AWAT1: variants seen among roughly 807,000 people sequenced by gnomAD.
The protein encoded by AWAT1 is acyl-CoA wax alcohol acyltransferase 1, also known as diacyl-glycerol acyltransferase 2.
Under a neutral mutation model 21.6 loss-of-function variants are expected in AWAT1, and 26 were observed. The ratio of observed to expected loss-of-function variants is 1.20; its 90% CI spans 0.88 to 1.67. The LOEUF (loss-of-function observed/expected upper bound fraction) is 1.67, where lower values mean the gene tolerates loss of function less well. AWAT1 is among the 40% of genes most tolerant of loss of function. The pLI is 0.00. For missense variants in AWAT1, 264 were observed against 249.4 expected (o/e 1.06, Z -0.39); for synonymous variants, 102 against 99.3 (o/e 1.03, Z -0.16).
At chrX:70,238,436 C>A in intron 5 of AWAT1, 53 bp downstream of exon 5, 3 of 1,087,095 alleles carry the variant, frequency 2.8e-6, no homozygotes, top group Non-Finnish European at 3.7e-6. Flanking sequence ...GCAGCATGAC[C>A]CTGTCGGTGA....
In AWAT1 at chrX:70,239,758, C is replaced by T. The variant is rs1369251918; in HGVS notation, c.656C>T (p.Thr219Ile). 1 of 1,209,310 alleles carries T rather than the reference C, an allele frequency of 8.3e-7. No individual in the cohort carries two copies. Among genetic ancestry groups the T allele is most frequent in the African/African-American group, 1.7e-5 (1 of 57,147 alleles). The change falls in exon 6 of 7, where the codon ACT becomes ATT. Residue 219 changes from threonine (T) to isoleucine (I), a missense_variant. By Grantham distance (89) the Thr-to-Ile change is moderately conservative (BLOSUM62 -1). Coordinates refer to ENST00000374521, the MANE Select transcript of AWAT1 (RefSeq NM_001013579.3). ...AGGGCTCATCTGGTCCCCACCTTCA[C>T]TTTTGGGGAAACTGAGGTGTATGAT... ...QHGAHLVPTFTFGETEVYDQV... is the reference protein window; with the variant it reads ...QHGAHLVPTFIFGETEVYDQV...
intron 5 of AWAT1, among the ~76,000 whole-genome samples, chrX:70,239,333 G>C (rs2085528206): frequency 1.8e-5 from 2 of 112,748 alleles, no homozygotes; most frequent in South Asian, 3.7e-4. Flanking sequence ...CACGGAATTT[G>C]AGCCTGACTG....
At position 70,238,226 on chromosome X, in the gene AWAT1, A is replaced by T. The variant is rs1476851734; in HGVS notation, c.475A>T (p.Ser159Cys). 8.3e-7 allele frequency: 1 copy of T among 1,207,332 alleles called. No individual in the cohort carries two copies. The highest frequency in any genetic ancestry group is 3.0e-5 in the East Asian group (1 of 33,709). ...YLMAKGVCSV[S>C]QPAINYLLSH... is the part of the protein sequence containing the mutation. ...ATTCTCTTTAGGTGTGTGCTCTGTGAGCCAGCCAGCCATCAACTATCTGCT... is the reference window on the plus strand; with the variant it reads ...ATTCTCTTTAGGTGTGTGCTCTGTGTGCCAGCCAGCCATCAACTATCTGCT... The change falls in exon 5 of 7, where the codon AGC becomes TGC. Residue 159 changes from serine to cysteine, a missense_variant. Ser to Cys is a moderately radical substitution (Grantham distance 112, BLOSUM62 -1). Coordinates refer to ENST00000374521, the MANE Select transcript of AWAT1 (RefSeq NM_001013579.3).
At chrX:70,236,036 T>C in intron 2 of AWAT1, 33 bp from the exon 3 acceptor site, 1 of 1,150,911 alleles carries the variant, frequency 8.7e-7, no homozygotes, top group Non-Finnish European at 1.2e-6. Flanking sequence ...TGGCACACAC[T>C]GACATCATCC....
intron 1 of AWAT1, among the ~76,000 whole-genome samples, chrX:70,235,202 G>T (rs1231221891): frequency 1.8e-5 from 2 of 111,033 alleles, no homozygotes; most frequent in Non-Finnish European, 3.8e-5. Context: ...GAGTGGGGTG[G>T]TGGTAGCATG....
At chrX:70,236,997 A>G (rs1031849120) in intron 3 of AWAT1, 47 bp from the exon 4 acceptor site, 3 of 1,098,541 alleles carry the variant, frequency 2.7e-6, no homozygotes, top group Non-Finnish European at 3.7e-6. Flanking sequence ...TGTTTCTGCC[A>G]TGTAATCTCA....
At chrX:70,237,590 G>A (rs1345842411) in intron 4 of AWAT1, among the ~76,000 whole-genome samples, 2 of 109,624 alleles carry the variant, frequency 1.8e-5, no homozygotes, top group African/African-American at 6.6e-5. Context: ...CCAGCACTTT[G>A]GGAGGCTGAG....
In AWAT1 at chrX:70,240,225, A is replaced by C. The variant is rs769336646; in HGVS notation, c.922A>C (p.Lys308Gln). ...YHALYMDALH[K>Q]LFDQHKTHYG... is the part of the protein sequence containing the mutation. ...TGCACTTTATATGGATGCTCTGCAC[A>C]AACTGTTCGACCAGCATAAGACCCA... Residue 308 changes from lysine (K) to glutamine (Q), a missense_variant, in exon 7 of 7, where the codon AAA (lysine) becomes CAA (glutamine). Lys to Gln is a moderately conservative substitution (Grantham distance 53). Coordinates refer to ENST00000374521, the MANE Select transcript of AWAT1 (RefSeq NM_001013579.3). 1 of 1,211,601 alleles carries C rather than the reference A, an allele frequency of 8.3e-7. No individual in the cohort carries two copies. Among genetic ancestry groups the C allele is most frequent in the Non-Finnish European group, 1.1e-6 (1 of 895,271 alleles).
intron 4 of AWAT1, among the ~76,000 whole-genome samples, chrX:70,237,919 GAAA>G (rs375070493): frequency 1.2e-5 from 1 of 83,488 alleles, no homozygotes; most frequent in Non-Finnish European, 2.3e-5. Context: ...TGCTCTTAAT[GAAA>G]AAAAAAAAAA....
At chrX:70,234,852 G>A in intron 1 of AWAT1, 81 bp downstream of exon 1, 2 of 885,013 alleles carry the variant, frequency 2.3e-6, no homozygotes, top group South Asian at 4.2e-5. Flanking sequence ...TTAGGGCCAT[G>A]TGAAGTCTCA....
chrX:70,238,648 C>G (rs1382175046), intron 5 of AWAT1, among the ~76,000 whole-genome samples: 2 of 112,367 alleles, frequency 1.8e-5, no homozygotes, highest in Non-Finnish European at 3.8e-5. Flanking sequence ...ATGCTGGTAT[C>G]TACATCTGTC....
rs752581999 is a variant in AWAT1, at chrX:70,240,285, C to A, written c.982C>A (p.Leu328Met). Reference protein sequence around the residue: ...GCSETQKLFFL With the variant: ...GCSETQKLFFM Reference sequence around the variant, plus strand: ...CTCAGAGACCCAAAAGCTGTTTTTCCTGTGAATGAAGGTACTGCATGCCCA... The same window carrying A: ...CTCAGAGACCCAAAAGCTGTTTTTCATGTGAATGAAGGTACTGCATGCCCA... The change falls in exon 7 of 7, where the codon CTG becomes ATG. Residue 328 changes from leucine to methionine, a missense_variant. Leu to Met is a conservative substitution (Grantham distance 15, BLOSUM62 2). Transcript: ENST00000374521. The A allele has an allele frequency of 8.3e-7, 1 of 1,210,307 alleles. No individual in the cohort carries two copies. Among genetic ancestry groups the A allele is most frequent in the South Asian group, 1.8e-5 (1 of 56,570 alleles).
At chrX:70,238,753 G>A (rs2085525992) in intron 5 of AWAT1, among the ~76,000 whole-genome samples, 2 of 112,407 alleles carry the variant, frequency 1.8e-5, no homozygotes, top group Non-Finnish European at 3.8e-5. Flanking sequence ...CTCCATGACT[G>A]TGCACTCTGG....
chrX:70,240,367 G>C lies in AWAT1; in HGVS notation c.*77G>C. The C allele has an allele frequency of 9.4e-7, 1 of 1,063,828 alleles. No individual in the cohort carries two copies. The highest frequency in any genetic ancestry group is 1.3e-6 in the Non-Finnish European group (1 of 778,954). The allele number at this position is 1,063,828 out of a possible 1,213,427, so 87.7% of individuals were successfully genotyped here. ...ACTCATCTGCCACTAACCAAAGACAGGCAGGAGATGAGGGAGGTTATATGT... is the reference window on the plus strand; with the variant it reads ...ACTCATCTGCCACTAACCAAAGACACGCAGGAGATGAGGGAGGTTATATGT... On this transcript the variant is annotated 3_prime_UTR_variant, in exon 7 of 7. Coordinates refer to ENST00000374521, the MANE Select transcript of AWAT1 (RefSeq NM_001013579.3).
chrX:70,239,591 A>G, intron 5 of AWAT1, 144 bp from the exon 6 acceptor site: 1 of 512,824 alleles, frequency 1.9e-6, no homozygotes, highest in Non-Finnish European at 3.3e-6. Context: ...TAAATAGGGA[A>G]ACCCTGTTTA....
chrX:70,236,392 G>A lies in AWAT1; in HGVS notation c.255+253G>A, dbSNP rs149672310. On this transcript the variant is annotated intron_variant, in intron 3 of 6. Transcript: ENST00000374521. Reference sequence around the variant, plus strand: ...AGTTCAGATCAGTTTAATAAGCATGGATTGAAAATCTACTCTGAACCACGT... The same window carrying A: ...AGTTCAGATCAGTTTAATAAGCATGAATTGAAAATCTACTCTGAACCACGT... Among the ~76,000 whole-genome samples, 245 of 112,256 alleles carry A rather than the reference G, an allele frequency of 2.2e-3. 1 individual carries two copies. The highest frequency in any genetic ancestry group is 7.3e-3 in the African/African-American group (227 of 30,896).
chrX:70,239,734 G>C lies in AWAT1; in HGVS notation c.633-1G>C. ...GAAAATAAATTGGAGTTTTCCTACA[G>C]GGCTCATCTGGTCCCCACCTTCACT... On this transcript the variant is annotated splice_acceptor_variant, in intron 5 of 6. Coordinates refer to ENST00000374521, the MANE Select transcript of AWAT1 (RefSeq NM_001013579.3). LOFTEE classifies it high-confidence loss of function. 1 of 1,207,992 alleles carries C rather than the reference G, an allele frequency of 8.3e-7. No homozygotes were observed. Among genetic ancestry groups the C allele is most frequent in the Non-Finnish European group, 1.1e-6 (1 of 892,015 alleles).
At position 70,238,206 on chromosome X, in the gene AWAT1, CT is replaced by C. The variant is rs780163112; in HGVS notation, c.461-3del. ...CCTGATCATTTTGCTCCTTGATTCT[CT>C]TTAGGTGTGTGCTCTGTGAGCCAGC... On this transcript the variant is annotated splice_region_variant and splice_polypyrimidine_tract_variant and intron_variant, in intron 4 of 6. Coordinates refer to ENST00000374521, the MANE Select transcript of AWAT1 (RefSeq NM_001013579.3). 5.0e-6 allele frequency: 6 copies of C among 1,202,628 alleles called. No homozygotes were observed. The highest frequency in any genetic ancestry group is 6.8e-6 in the Non-Finnish European group (6 of 888,841).
In AWAT1 at chrX:70,235,642, G is replaced by C. The variant is rs191981200; in HGVS notation, c.77-74G>C. Reference sequence around the variant, plus strand: ...GGACCAGAGGCTTAGGTAATGTGGAGAGCTGGTGATGGGACTGGGCATGGT... The same window carrying C: ...GGACCAGAGGCTTAGGTAATGTGGACAGCTGGTGATGGGACTGGGCATGGT... On this transcript the variant is annotated intron_variant, in intron 1 of 6. Coordinates refer to ENST00000374521, the MANE Select transcript of AWAT1 (RefSeq NM_001013579.3). 260 of 722,651 alleles carry C rather than the reference G, an allele frequency of 3.6e-4. No individual in the cohort carries two copies. The African/African-American group carries it at 5.2e-3, about 14-fold the overall frequency. The allele number at this position is 722,651 out of a possible 1,213,427, so 59.6% of individuals were successfully genotyped here.
Sources: allele counts gnomAD v4.1 joint callset (sites outside exome capture counted in the v4.1 genomes callset), GRCh38; gene constraint gnomAD v4.1.1; transcripts MANE v1.5; gene names NCBI Gene and HGNC (gene_info 2026-07-23, HGNC 2026-07-21).